Variants in MLIP observed in about 807,000 individuals in gnomAD.
The protein encoded by MLIP is muscular LMNA-interacting protein.
In MLIP, 79 loss-of-function variants were observed where a neutral mutation model predicts 84.8. That is an observed-to-expected ratio of 0.93 (90% CI 0.78 to 1.12). MLIP has a LOEUF of 1.12. Among genes scored for constraint, MLIP ranks in the 50% most tolerant of loss-of-function variants. The pLI is 0.00. For synonymous variants in MLIP, 504 were observed against 463.0 expected (o/e 1.09, Z -1.14); for missense variants, 1,257 against 1,160.6 (o/e 1.08, Z -1.21).
chr6:54,121,907 T>G (rs1770489455), intron 2 of MLIP, among the ~76,000 whole-genome samples: 1 of 152,226 alleles, frequency 6.6e-6, no homozygotes, highest in Non-Finnish European at 1.5e-5. Flanking sequence ...TAAAAATGTT[T>G]AAATTTATCT....
chr6:54,035,694 A>G (rs576677160), intron 1 of MLIP, among the ~76,000 whole-genome samples: 4 of 151,918 alleles, frequency 2.6e-5, no homozygotes, highest in Non-Finnish European at 4.4e-5. Flanking sequence ...CATGGTTTTA[A>G]TTTATATTCC....
At chr6:54,226,357 G>A (rs1780572044) in intron 11 of MLIP, among the ~76,000 whole-genome samples, 1 of 152,148 alleles carries the variant, frequency 6.6e-6, no homozygotes, top group Non-Finnish European at 1.5e-5. Context: ...CAGAACACTT[G>A]TAGCCAGGCC....
At chr6:54,234,827 TG>T (rs1781255942) in intron 12 of MLIP, among the ~76,000 whole-genome samples, 1 of 152,222 alleles carries the variant, frequency 6.6e-6, no homozygotes, top group African/African-American at 2.4e-5. Context: ...GCTTTCTTTG[TG>T]GACACTTCTT....
intron 9 of MLIP, among the ~76,000 whole-genome samples, chr6:54,183,545 T>C (rs1333984692): frequency 1.3e-5 from 2 of 151,984 alleles, no homozygotes; most frequent in Admixed American, 6.6e-5. Context: ...TTTGTACATA[T>C]AAACTATGAC....
At chr6:54,222,818 C>G (rs9474763) in intron 11 of MLIP, among the ~76,000 whole-genome samples, 4,724 of 152,000 alleles carry the variant, frequency 0.031, 215 homozygotes, top group African/African-American at 0.11. Context: ...TACTGACTTA[C>G]CAATTAACAT....
intron 11 of MLIP, among the ~76,000 whole-genome samples, chr6:54,213,417 T>A (rs1458923357): frequency 6.6e-6 from 1 of 152,052 alleles, no homozygotes; most frequent in Non-Finnish European, 1.5e-5. Context: ...AAGACATATC[T>A]CAGGCCAGGC....
chr6:54,124,139 T>A (rs1561952950), intron 2 of MLIP, among the ~76,000 whole-genome samples: 1 of 152,180 alleles, frequency 6.6e-6, no homozygotes, highest in Non-Finnish European at 1.5e-5. Context: ...CCTTGCCCAA[T>A]CCCCATTTGT....
intron 1 of MLIP, among the ~76,000 whole-genome samples, chr6:54,023,186 A>AT (rs1763606825): frequency 7.0e-6 from 1 of 142,544 alleles, no homozygotes; most frequent in Non-Finnish European, 1.6e-5. Flanking sequence ...TAATAATAAT[A>AT]ATAATAATAA....
chr6:54,197,249 CTT>C (rs1460358889), intron 10 of MLIP, among the ~76,000 whole-genome samples: 1 of 152,042 alleles, frequency 6.6e-6, no homozygotes, highest in Non-Finnish European at 1.5e-5. Flanking sequence ...GTTGACATGA[CTT>C]GATGTAGAAC....
chr6:54,023,124 G>A (rs1004588305), intron 1 of MLIP, among the ~76,000 whole-genome samples: 5 of 151,264 alleles, frequency 3.3e-5, no homozygotes, highest in Non-Finnish European at 7.4e-5. Flanking sequence ...CTGAGATTGC[G>A]CCACTGCACT....
intron 1 of MLIP, chr6:54,047,596 G>C (rs1317741213): frequency 6.6e-6 from 1 of 152,368 alleles, no homozygotes; most frequent in Middle Eastern, 3.4e-3. Flanking sequence ...GCGGAACCCA[G>C]GAAGAATGGA....
intron 4 of MLIP, among the ~76,000 whole-genome samples, chr6:54,147,228 C>G (rs1407297018): frequency 6.6e-6 from 1 of 152,164 alleles, no homozygotes; most frequent in Non-Finnish European, 1.5e-5. Context: ...ATATTGGACA[C>G]AGGCAGGCTC....
intron 1 of MLIP, among the ~76,000 whole-genome samples, chr6:54,030,457 A>C (rs1764064187): frequency 6.6e-6 from 1 of 152,206 alleles, no homozygotes; most frequent in Non-Finnish European, 1.5e-5. Context: ...AGGTAAGAAG[A>C]AGGAGAGTTA....
In MLIP at chr6:54,137,573, C is replaced by T. The variant is rs114118291; in HGVS notation, c.1504C>T (p.Leu502Phe). ...HLPVFTKSTP[L>F]SQAPSLSPTK... is the part of the protein sequence containing the mutation. ...GCCTGTTTTCACCAAGTCTACTCCG[C>T]TTTCTCAGGCGCCCTCCCTCTCTCC... Residue 502 changes from leucine (L) to phenylalanine (F), a missense_variant, in exon 4 of 14, where the codon CTT (leucine) becomes TTT (phenylalanine). Leu to Phe is a conservative substitution (Grantham distance 22). Transcript: ENST00000502396. 4.8e-4 allele frequency: 732 copies of T among 1,536,118 alleles called. 2 individuals carry two copies. In the African/African-American group the frequency reaches 8.7e-3, roughly 18 times the overall value.
At chr6:54,055,628 A>G (rs1056012761) in intron 1 of MLIP, among the ~76,000 whole-genome samples, 2 of 152,176 alleles carry the variant, frequency 1.3e-5, no homozygotes, top group Non-Finnish European at 2.9e-5. Flanking sequence ...TGGCAAATCA[A>G]CATTTGAGTG....
intron 11 of MLIP, chr6:54,215,175 T>A (rs1779768099): frequency 6.5e-7 from 1 of 1,535,526 alleles, no homozygotes; most frequent in African/African-American, 1.4e-5. Context: ...GCAACGGAAG[T>A]GACACGTCTG....
intron 11 of MLIP, among the ~76,000 whole-genome samples, chr6:54,205,416 C>T (rs1264651423): frequency 6.6e-6 from 1 of 152,206 alleles, no homozygotes; most frequent in East Asian, 1.9e-4. Context: ...CACTAATCTG[C>T]CTTGTACTGG....
At chr6:54,215,895 T>G (rs1779822018) in intron 11 of MLIP, 1 of 154,184 alleles carries the variant, frequency 6.5e-6, no homozygotes, top group South Asian at 2.1e-4. Flanking sequence ...CTGACTATTT[T>G]AGATTCCACT....
intron 12 of MLIP, among the ~76,000 whole-genome samples, chr6:54,233,506 A>T (rs1006164670): frequency 2.0e-5 from 3 of 151,984 alleles, no homozygotes; most frequent in Non-Finnish European, 4.4e-5. Context: ...GAAGACATGA[A>T]CTCATCCCTT....
Sources: allele counts gnomAD v4.1 joint callset (sites outside exome capture counted in the v4.1 genomes callset), GRCh38; gene constraint gnomAD v4.1.1; transcripts MANE v1.5; gene names NCBI Gene and HGNC (gene_info 2026-07-23, HGNC 2026-07-21).